The following STAM2 variants were observed in gnomAD, a reference collection of about 807,000 sequenced individuals.
STAM2 encodes signal transducing adaptor molecule 2, also known as signal transducing adapter molecule 2.
Under a neutral mutation model 65.6 loss-of-function variants are expected in STAM2, and 51 were observed. The ratio of observed to expected loss-of-function variants is 0.78; its 90% CI spans 0.62 to 0.98. The LOEUF (loss-of-function observed/expected upper bound fraction) is 0.98. STAM2 is among the 50% of genes least tolerant of loss of function. STAM2 has a pLI of 0.00. For synonymous variants in STAM2, 198 were observed against 208.4 expected (o/e 0.95, Z 0.43); for missense variants, 584 against 617.8 (o/e 0.95, Z 0.58).
At chr2:152,161,833 T>C (rs1019342745) in intron 1 of STAM2, among the ~76,000 whole-genome samples, 2 of 152,204 alleles carry the variant, frequency 1.3e-5, no homozygotes, top group African/African-American at 2.4e-5. Context: ...TTTTTCTTTT[T>C]TTTTTGAGAT....
chr2:152,127,281 C>T (rs1202373060), intron 11 of STAM2, among the ~76,000 whole-genome samples: 1 of 152,204 alleles, frequency 6.6e-6, no homozygotes, highest in Non-Finnish European at 1.5e-5. Context: ...CAATCCTCTA[C>T]TGGTGACAAT....
intron 1 of STAM2, among the ~76,000 whole-genome samples, chr2:152,161,062 A>G (rs1241298656): frequency 6.6e-6 from 1 of 151,874 alleles, no homozygotes; most frequent in Non-Finnish European, 1.5e-5. Context: ...GAAGGGGGGG[A>G]AAGGTGGGGA....
At chr2:152,131,117 G>C (rs928044644) in intron 11 of STAM2, among the ~76,000 whole-genome samples, 1 of 152,050 alleles carries the variant, frequency 6.6e-6, no homozygotes, top group Admixed American at 6.6e-5. Flanking sequence ...TCAAACACTA[G>C]AGAAATTTCA....
chr2:152,166,962 A>C (rs536141823), intron 1 of STAM2, among the ~76,000 whole-genome samples: 1 of 152,352 alleles, frequency 6.6e-6, no homozygotes, highest in Admixed American at 6.5e-5. Flanking sequence ...CCAAGAAAAT[A>C]GTTTGCGAGT....
chr2:152,168,149 T>TAAAA (rs2105569109), intron 1 of STAM2, among the ~76,000 whole-genome samples: 1 of 149,482 alleles, frequency 6.7e-6, no homozygotes, highest in South Asian at 2.1e-4. Context: ...CCTACATACT[T>TAAAA]ATATACAAGG....
intron 13 of STAM2, among the ~76,000 whole-genome samples, chr2:152,123,145 G>C (rs879611613): frequency 6.6e-6 from 1 of 151,426 alleles, no homozygotes; most frequent in Admixed American, 6.6e-5. Context: ...GAGGCGGGTG[G>C]AACATCACGA....
At chr2:152,134,691 T>A (rs1337372421) in intron 8 of STAM2, among the ~76,000 whole-genome samples, 1 of 152,188 alleles carries the variant, frequency 6.6e-6, no homozygotes, top group Non-Finnish European at 1.5e-5. Context: ...CTCAGTGTCC[T>A]TATCTGTAAG....
chr2:152,129,266 C>A (rs1405942485), intron 11 of STAM2, among the ~76,000 whole-genome samples: 1 of 152,122 alleles, frequency 6.6e-6, no homozygotes, highest in African/African-American at 2.4e-5. Flanking sequence ...CCCACCTCAG[C>A]TTCTTGAGGA....
intron 1 of STAM2, among the ~76,000 whole-genome samples, chr2:152,156,569 C>T (rs1689558808): frequency 6.6e-6 from 1 of 152,126 alleles, no homozygotes. Context: ...CATAACATTT[C>T]ATCACCAGGC....
At chr2:152,167,554 T>A (rs1689809253) in intron 1 of STAM2, among the ~76,000 whole-genome samples, 1 of 152,226 alleles carries the variant, frequency 6.6e-6, no homozygotes, top group African/African-American at 2.4e-5. Flanking sequence ...AATTAGCTGA[T>A]ATTTTTATAA....
At chr2:152,161,752 G>A (rs993971182) in intron 1 of STAM2, among the ~76,000 whole-genome samples, 3 of 151,802 alleles carry the variant, frequency 2.0e-5, no homozygotes, top group East Asian at 3.9e-4. Flanking sequence ...AATGTTTATC[G>A]ATGCAAATCT....
At chr2:152,132,055 C>G (rs1488924918) in intron 11 of STAM2, 59 bp downstream of exon 11, 2 of 1,302,708 alleles carry the variant, frequency 1.5e-6, no homozygotes. Context: ...TTACTGTTTG[C>G]CAAAACACAA....
chr2:152,134,803 C>T (rs995592469), intron 8 of STAM2, among the ~76,000 whole-genome samples: 1 of 152,162 alleles, frequency 6.6e-6, no homozygotes, highest in Non-Finnish European at 1.5e-5. Flanking sequence ...GCTCAAAAAC[C>T]AGTAACTATT....
At chr2:152,175,430 G>T (rs1057309431) in intron 1 of STAM2, among the ~76,000 whole-genome samples, 173 bp downstream of exon 1, 1 of 152,158 alleles carries the variant, frequency 6.6e-6, no homozygotes, top group African/African-American at 2.4e-5. Flanking sequence ...CGCTAGCGAC[G>T]CGCCGAGGTT....
At position 152,117,077 on chromosome 2, in the gene STAM2, C is replaced by T. The variant is rs1468081573; in HGVS notation, c.*3497G>A. 2.6e-5 allele frequency: 4 copies of T among 152,080 alleles called. No homozygotes were observed. Among genetic ancestry groups the T allele is most frequent in the Non-Finnish European group, 4.4e-5 (3 of 68,020 alleles). The allele number at this position is 152,080 out of a possible 1,614,324, so 9.4% of individuals were successfully genotyped here. On this transcript the variant is annotated 3_prime_UTR_variant, in exon 14 of 14. Coordinates refer to ENST00000263904, the MANE Select transcript of STAM2 (RefSeq NM_005843.6). ...ACATGAAATTTGGAGGGACACTATT[C>T]ACTATATCACACAAGCAACATAATG...
chr2:152,162,939 C>T (rs1579334122), intron 1 of STAM2, among the ~76,000 whole-genome samples: 1 of 152,138 alleles, frequency 6.6e-6, no homozygotes, highest in Non-Finnish European at 1.5e-5. Context: ...GGATTACAGG[C>T]ATGAGCCACT....
chr2:152,133,371 G>GT (rs746435835), intron 9 of STAM2, 31 bp downstream of exon 9: 3 of 1,567,282 alleles, frequency 1.9e-6, no homozygotes, highest in Non-Finnish European at 2.6e-6. Flanking sequence ...TGTCTTGATA[G>GT]TTTAACTATT....
At chr2:152,160,788 C>G (rs1689655766) in intron 1 of STAM2, among the ~76,000 whole-genome samples, 1 of 149,250 alleles carries the variant, frequency 6.7e-6, no homozygotes, top group Non-Finnish European at 1.5e-5. Flanking sequence ...GTGAGGAGCC[C>G]CTCTGCCCGG....
Position 152,119,120 on chromosome 2 carries a change from CT to C in STAM2, c.*1453del, listed in dbSNP as rs1688803725. On this transcript the variant is annotated 3_prime_UTR_variant, in exon 14 of 14. Transcript: ENST00000263904. ...ATATAGAAATCTTGCTTCCACGTAA[CT>C]TTTTAAAAACTAATGTCCATTGTTT... is the stretch of plus-strand genomic sequence containing the variant. 6.6e-6 allele frequency: 1 copy of C among 152,108 alleles called. No homozygotes were observed. Among genetic ancestry groups the C allele is most frequent in the Admixed American group, 6.5e-5 (1 of 15,272 alleles). 9.4% of individuals were successfully genotyped at this position (152,108 alleles called of 1,614,324 possible).
Sources: allele counts gnomAD v4.1 joint callset (sites outside exome capture counted in the v4.1 genomes callset), GRCh38; gene constraint gnomAD v4.1.1; transcripts MANE v1.5; gene names NCBI Gene and HGNC (gene_info 2026-07-23, HGNC 2026-07-21).